DNMT3A: variants seen among roughly 807,000 people sequenced by gnomAD.
DNMT3A encodes DNA methyltransferase 3 alpha.
In DNMT3A, 267 loss-of-function variants were observed where a neutral mutation model predicts 117.6. The ratio of observed to expected loss-of-function variants is 2.27; its 90% CI spans 2.05 to 2.51. The LOEUF (loss-of-function observed/expected upper bound fraction) is 2.51. Ranked by LOEUF, DNMT3A falls within the 30% of genes most tolerant of loss-of-function variation. The probability of loss-of-function intolerance (pLI) is 0.00; values close to 1 mark genes in which losing one functional copy is unlikely to be tolerated. For missense variants in DNMT3A, 1,029 were observed against 1,260.2 expected, an observed-to-expected ratio of 0.82 and a Z score of 2.78; for synonymous variants, 432 against 474.8, an observed-to-expected ratio of 0.91 and a Z score of 1.17.
At chr2:25,308,666 A>T (rs998319181) in intron 2 of DNMT3A, among the ~76,000 whole-genome samples, 1 of 152,036 alleles carries the variant, frequency 6.6e-6, no homozygotes. Flanking sequence ...ACTAAGAAGG[A>T]TGCTCTTTGA....
chr2:25,340,260 G>A (rs946799740), intron 1 of DNMT3A, among the ~76,000 whole-genome samples: 3 of 152,118 alleles, frequency 2.0e-5, no homozygotes, highest in Non-Finnish European at 4.4e-5. Context: ...GGAACCAGAG[G>A]GCACTGCTCC....
intron 2 of DNMT3A, among the ~76,000 whole-genome samples, chr2:25,308,910 A>G (rs6546070): frequency 0.53 from 79,971 of 151,526 alleles, 21,397 homozygotes; most frequent in African/African-American, 0.57. Flanking sequence ...CCTCTGGGCC[A>G]GACTTTGATG....
Position 25,247,866 on chromosome 2 carries a change from T to A in DNMT3A, c.856-117A>T, listed in dbSNP as rs1675018559. The A allele has an allele frequency of 6.5e-7, 1 of 1,530,974 alleles. No homozygotes were observed. Among genetic ancestry groups the A allele is most frequent in the Middle Eastern group, 2.3e-4 (1 of 4,286 alleles). 94.8% of individuals were successfully genotyped at this position (1,530,974 alleles called of 1,614,324 possible). ...GGGGGCAGGACAGCCAGGAGGGAGC[T>A]CCATCTGAATGAGGCAAGACAGAGC... On this transcript the variant is annotated intron_variant, in intron 7 of 22. Transcript: ENST00000321117. This position sits in a 1 kb window ranked among gnomAD's most constrained non-coding sequence, Gnocchi z 5.6.
chr2:25,259,871 T>C (rs954146084), intron 6 of DNMT3A, among the ~76,000 whole-genome samples: 8 of 152,220 alleles, frequency 5.3e-5, no homozygotes, highest in African/African-American at 2.4e-5. Context: ...TAACTATTGC[T>C]GAAAACAGCA....
chr2:25,266,929 T>C (rs1450705304), intron 6 of DNMT3A, among the ~76,000 whole-genome samples: 1 of 152,192 alleles, frequency 6.6e-6, no homozygotes, highest in African/African-American at 2.4e-5. Context: ...GTATCTGTCT[T>C]AGAGAAACAG....
At chr2:25,289,705 C>T (rs2032601716) in intron 3 of DNMT3A, among the ~76,000 whole-genome samples, 1 of 152,176 alleles carries the variant, frequency 6.6e-6, no homozygotes, top group African/African-American at 2.4e-5. Flanking sequence ...CAGTGCAGTG[C>T]CCAAGAAAGG....
At chr2:25,341,761 C>T (rs1213721069) in intron 1 of DNMT3A, 65 bp downstream of exon 1, 2 of 964,086 alleles carry the variant, frequency 2.1e-6, no homozygotes, top group African/African-American at 1.8e-5. Flanking sequence ...GCCCCCCGCC[C>T]GGCTCCCCGG....
rs776751263 is a variant in DNMT3A, at chr2:25,282,421, C to T, written c.448+20G>A. The T allele has an allele frequency of 6.2e-7, 1 of 1,609,388 alleles. No homozygotes were observed. The highest frequency in any genetic ancestry group is 1.1e-5 in the South Asian group (1 of 90,400). On this transcript the variant is annotated intron_variant, in intron 4 of 22. Transcript: ENST00000321117. This position sits in a 1 kb window ranked among gnomAD's most constrained non-coding sequence, Gnocchi z 5.2. ...TGCTGGTGGGCCCAGAAGAGGCTGC[C>T]CCTGGTGCTGAGGACTCACCCGCTT...
chr2:25,262,655 CTCTCTGGGGAATACT>C (rs1373856202), intron 6 of DNMT3A, among the ~76,000 whole-genome samples: 1 of 152,190 alleles, frequency 6.6e-6, no homozygotes, highest in African/African-American at 2.4e-5. Context: ...TAAACTTCCT[CTCTCTGGGGAATACT>C]TATTGTCCTG....
intron 16 of DNMT3A, chr2:25,242,052 C>A: frequency 3.4e-6 from 1 of 291,004 alleles, no homozygotes; most frequent in Non-Finnish European, 6.4e-6. Flanking sequence ...CTTCCATACC[C>A]TCTTATCACC....
chr2:25,319,550 G>A (rs1316799133), intron 1 of DNMT3A, among the ~76,000 whole-genome samples: 1 of 152,150 alleles, frequency 6.6e-6, no homozygotes, highest in Admixed American at 6.5e-5. Flanking sequence ...CAGGAGAGAT[G>A]GGAAGGGAGG....
chr2:25,227,893 A>G lies in DNMT3A; in HGVS notation c.*6386T>C, dbSNP rs1286366940. 6.6e-6 allele frequency: 1 copy of G among 152,024 alleles called. No homozygotes were observed. The highest frequency in any genetic ancestry group is 2.4e-5 in the African/African-American group (1 of 41,384). 9.4% of individuals were successfully genotyped at this position (152,024 alleles called of 1,614,324 possible). A position where few individuals can be genotyped will look rare whatever the true frequency, so the allele number is the denominator to read the frequency against. ...TTTCCATTTTTCTTTTTGCACAAAA[A>G]CAGTCCATTTATTCAAGTGTTCTCC... On this transcript the variant is annotated 3_prime_UTR_variant, in exon 23 of 23. Coordinates refer to ENST00000321117, the MANE Select transcript of DNMT3A (RefSeq NM_022552.5).
intron 2 of DNMT3A, among the ~76,000 whole-genome samples, chr2:25,303,467 C>T (rs2149411760): frequency 6.6e-6 from 1 of 152,356 alleles, no homozygotes; most frequent in East Asian, 1.9e-4. Context: ...CAACCCAGCC[C>T]AGGAGGAAGG....
rs1391523200 is a variant in DNMT3A at position 25,306,214 on chromosome 2, T to A, written c.73-5971A>T. 6.6e-6 allele frequency among the ~76,000 whole-genome samples: 1 copy of A among 152,146 alleles called. No individual in the cohort carries two copies. Among genetic ancestry groups the A allele is most frequent in the Non-Finnish European group, 1.5e-5 (1 of 68,014 alleles). On this transcript the variant is annotated intron_variant, in intron 2 of 22. Transcript: ENST00000321117. This position sits in a 1 kb window ranked among gnomAD's most constrained non-coding sequence, Gnocchi z 4.1. ...TCACATATGCTTGCACACACACCCG[T>A]GCCCAGGCCAACCTGCAGAGGCTGA...
rs890500215 is a variant in DNMT3A, at chr2:25,339,228, C to G, written c.-178+2598G>C. Among the ~76,000 whole-genome samples the G allele has an allele frequency of 5.3e-5, 8 of 152,126 alleles. No homozygotes were observed. Among genetic ancestry groups the G allele is most frequent in the Non-Finnish European group, 1.2e-4 (8 of 68,022 alleles). On this transcript the variant is annotated intron_variant, in intron 1 of 22. Transcript: ENST00000321117. The surrounding 1 kb of genome is among the most constrained non-coding windows in gnomAD (Gnocchi z 4.9). ...GAATCAGAGCCATAGAATGTCAAAG[C>G]TGGAATGGACCTTCCGGCTCTAGTC... is the stretch of plus-strand genomic sequence containing the variant.
At position 25,281,862 on chromosome 2, in the gene DNMT3A, C is replaced by T. The variant is rs1456475600; in HGVS notation, c.448+579G>A. 6.5e-6 allele frequency: 7 copies of T among 1,069,920 alleles called. No homozygotes were observed. The East Asian group carries it at 2.5e-4, about 38-fold the overall frequency. The allele number at this position is 1,069,920 out of a possible 1,614,324, so 66.3% of individuals were successfully genotyped here. On this transcript the variant is annotated intron_variant, in intron 4 of 22. Coordinates refer to ENST00000321117, the MANE Select transcript of DNMT3A (RefSeq NM_022552.5). The surrounding 1 kb of genome is among the most constrained non-coding windows in gnomAD (Gnocchi z 4.8). ...CAGAATACAATCACCCAGCCCTCTC[C>T]CCACGCCACTGTCACAACCAAATTT...
At position 25,254,067 on chromosome 2, in the gene DNMT3A, G is replaced by A. The variant is rs1397860689; in HGVS notation, c.640-5815C>T. Among the ~76,000 whole-genome samples, 34 of 141,266 alleles carry A rather than the reference G, an allele frequency of 2.4e-4. No individual in the cohort carries two copies. The highest frequency in any genetic ancestry group is 4.2e-3 in the Middle Eastern group (1 of 236). 92.7% of individuals were successfully genotyped at this position (141,266 alleles called of 152,430 possible). ...AGCCTGGGCAACAGAGCGAGACTCCGTCTCAAAAAAAAAAAAAAAAAAGAT... is the reference window on the plus strand; with the variant it reads ...AGCCTGGGCAACAGAGCGAGACTCCATCTCAAAAAAAAAAAAAAAAAAGAT... On this transcript the variant is annotated intron_variant, in intron 6 of 22. Coordinates refer to ENST00000321117, the MANE Select transcript of DNMT3A (RefSeq NM_022552.5). The surrounding 1 kb of genome is among the most constrained non-coding windows in gnomAD (Gnocchi z 4.7).
intron 20 of DNMT3A, among the ~76,000 whole-genome samples, chr2:25,238,761 C>CT (rs1454662938): frequency 6.6e-6 from 1 of 152,198 alleles, no homozygotes; most frequent in African/African-American, 2.4e-5. Context: ...CACAACTCCC[C>CT]TTCCCAGCCC....
At chr2:25,285,520 G>A (rs1415108506) in intron 3 of DNMT3A, among the ~76,000 whole-genome samples, 2 of 152,228 alleles carry the variant, frequency 1.3e-5, no homozygotes, top group Non-Finnish European at 2.9e-5. Context: ...CAGGAGGGAA[G>A]CACCCACAGA....
Sources: allele counts gnomAD v4.1 joint callset (sites outside exome capture counted in the v4.1 genomes callset), GRCh38; gene constraint gnomAD v4.1.1; non-coding constraint Gnocchi (gnomAD v3.1); transcripts MANE v1.5; gene names NCBI Gene and HGNC (gene_info 2026-07-23, HGNC 2026-07-21).